The following SLC25A48 variants were observed in gnomAD, a reference collection of about 807,000 sequenced individuals.
The protein encoded by SLC25A48 is CTC-321K16.1.
In SLC25A48, 29 loss-of-function variants were observed where a neutral mutation model predicts 32.2. The observed-to-expected ratio is 0.90, with a 90% CI of 0.67 to 1.23. SLC25A48 has a LOEUF of 1.23. Ranked by LOEUF, SLC25A48 falls within the 50% of genes most tolerant of loss-of-function variation. The pLI is 0.00. For missense variants in SLC25A48, 399 were observed against 422.7 expected (o/e 0.94, Z 0.49); for synonymous variants, 164 against 172.3 (o/e 0.95, Z 0.38).
At chr5:135,587,468 A>G (rs2126873498) in intron 1 of SLC25A48, among the ~76,000 whole-genome samples, 1 of 152,226 alleles carries the variant, frequency 6.6e-6, no homozygotes, top group Non-Finnish European at 1.5e-5. Context: ...TGGTGTTTTT[A>G]TTTTTACCAA....
chr5:135,772,903 G>A (rs927508011), intron 3 of SLC25A48, among the ~76,000 whole-genome samples: 10 of 151,196 alleles, frequency 6.6e-5, no homozygotes, highest in African/African-American at 2.4e-4. Flanking sequence ...TTGTGATATT[G>A]TTTGTAATAT....
At position 135,629,208 on chromosome 5, in the gene SLC25A48, CCTTTTTCTTTTTT is replaced by C. The variant is rs1409990058; in HGVS notation, c.-848-15_-848-3del. 1.3e-5 allele frequency: 2 copies of C among 152,156 alleles called. No homozygotes were observed. Among genetic ancestry groups the C allele is most frequent in the Middle Eastern group, 3.2e-3 (1 of 316 alleles). 9.4% of individuals were successfully genotyped at this position (152,156 alleles called of 1,614,324 possible). ...AGTGCCAGAATCTCCACCGTTATAG[CCTTTTTCTTTTTT>C]CTTTTTCTTTTTTAGCAGCCCAGCT... On this transcript the variant is annotated splice_polypyrimidine_tract_variant and intron_variant, in intron 1 of 10. Coordinates refer to the SLC25A48 transcript ENST00000646290. This position sits in a 1 kb window ranked among gnomAD's most constrained non-coding sequence, Gnocchi z 4.8.
At chr5:135,627,978 C>T (rs1752476472) in intron 1 of SLC25A48, among the ~76,000 whole-genome samples, 2 of 152,192 alleles carry the variant, frequency 1.3e-5, no homozygotes, top group Non-Finnish European at 2.9e-5. Flanking sequence ...ACCCCCTGCA[C>T]ACTGAGAATG....
intron 6 of SLC25A48, chr5:135,874,600 C>A: frequency 1.5e-6 from 1 of 663,200 alleles, no homozygotes; most frequent in Non-Finnish European, 2.7e-6. Context: ...GCTCCAGGCC[C>A]TGTGAACTGC....
intron 3 of SLC25A48, among the ~76,000 whole-genome samples, chr5:135,657,796 C>T (rs575108934): frequency 2.6e-5 from 4 of 152,284 alleles, no homozygotes; most frequent in African/African-American, 9.6e-5. Context: ...TGCATTAGCC[C>T]GATGAACTGA....
chr5:135,774,270 G>A (rs1036026611), intron 3 of SLC25A48, among the ~76,000 whole-genome samples: 5 of 151,288 alleles, frequency 3.3e-5, no homozygotes, highest in African/African-American at 4.9e-5. Flanking sequence ...TCCTAATAAC[G>A]CCAGAGGTGT....
intron 4 of SLC25A48, among the ~76,000 whole-genome samples, chr5:135,829,360 A>G (rs1461985382): frequency 6.6e-6 from 1 of 152,180 alleles, no homozygotes; most frequent in Non-Finnish European, 1.5e-5. Flanking sequence ...CCTGGCCTTC[A>G]GTCAGGCGGA....
intron 3 of SLC25A48, among the ~76,000 whole-genome samples, chr5:135,731,962 A>G (rs987890399): frequency 1.3e-5 from 2 of 152,272 alleles, no homozygotes; most frequent in South Asian, 2.1e-4. Context: ...AGAAGATAGT[A>G]GAGATGACAA....
At chr5:135,789,687 A>G (rs1389887268) in intron 3 of SLC25A48, among the ~76,000 whole-genome samples, 1 of 151,672 alleles carries the variant, frequency 6.6e-6, no homozygotes, top group Admixed American at 6.6e-5. Context: ...ATTACTCCCC[A>G]TGTGGCAGGG....
At chr5:135,580,717 A>G (rs1554113657) in intron 1 of SLC25A48, among the ~76,000 whole-genome samples, 4 of 152,272 alleles carry the variant, frequency 2.6e-5, no homozygotes, top group Non-Finnish European at 1.5e-5. Flanking sequence ...ACGTTTGCCC[A>G]GAAAAATCAG....
chr5:135,651,945 C>T (rs1050030539), intron 3 of SLC25A48, among the ~76,000 whole-genome samples: 8 of 152,166 alleles, frequency 5.3e-5, no homozygotes, highest in South Asian at 2.1e-4. Flanking sequence ...TGGGCACAAA[C>T]GGTGAAGATA....
chr5:135,828,530 C>T (rs551153979), intron 4 of SLC25A48, among the ~76,000 whole-genome samples: 1 of 152,322 alleles, frequency 6.6e-6, no homozygotes, highest in African/African-American at 2.4e-5. Flanking sequence ...GGATCATAGC[C>T]CTTCTGAGGA....
chr5:135,866,627 G>T lies in SLC25A48; in HGVS notation c.422-4834G>T, dbSNP rs1471641081. Among the ~76,000 whole-genome samples the T allele has an allele frequency of 5.9e-5, 9 of 152,170 alleles. No individual in the cohort carries two copies. In the South Asian group the frequency reaches 1.9e-3, roughly 32 times the overall value. The stretch of plus-strand genomic sequence containing the variant: ...CCCCAAAATAAAACTCCCTGAAGAG[G>T]CATCTACCTCTAAGGGACCTCCCAG... On this transcript the variant is annotated intron_variant, in intron 4 of 7. Coordinates refer to ENST00000681962, the MANE Select transcript of SLC25A48 (RefSeq NM_001349336.2).
Position 135,852,151 on chromosome 5 carries a change from C to T in SLC25A48, c.163-412C>T, listed in dbSNP as rs369868898. On this transcript the variant is annotated intron_variant, in intron 3 of 7. Transcript: ENST00000681962. ...TATGGTTGCTCCCCAGGGCCTGGCCCCTGGCCAGTGCCTGGAGAATGTTTC... is the reference window on the plus strand; with the variant it reads ...TATGGTTGCTCCCCAGGGCCTGGCCTCTGGCCAGTGCCTGGAGAATGTTTC... Among the ~76,000 whole-genome samples, 31 of 152,278 alleles carry T rather than the reference C, an allele frequency of 2.0e-4. 1 individual carries two copies. Among genetic ancestry groups the T allele is most frequent in the African/African-American group, 7.5e-4 (31 of 41,554 alleles).
chr5:135,671,932 T>G (rs533871986), intron 3 of SLC25A48, among the ~76,000 whole-genome samples: 14 of 141,916 alleles, frequency 9.9e-5, no homozygotes, highest in African/African-American at 3.7e-4. Context: ...GACCAAAGTA[T>G]CCGGCATTTA....
chr5:135,859,078 A>T (rs752591101), intron 4 of SLC25A48, among the ~76,000 whole-genome samples: 3 of 152,188 alleles, frequency 2.0e-5, no homozygotes, highest in Non-Finnish European at 4.4e-5. Context: ...TCTAGGCTAG[A>T]GATAGAAAAC....
At chr5:135,639,415 C>CAG (rs1390327639) in intron 3 of SLC25A48, among the ~76,000 whole-genome samples, 1 of 152,120 alleles carries the variant, frequency 6.6e-6, no homozygotes, top group Admixed American at 6.6e-5. Flanking sequence ...AGGCAGAAAT[C>CAG]AGAGTTTGGG....
chr5:135,591,176 A>C (rs532650846), intron 1 of SLC25A48, among the ~76,000 whole-genome samples: 19 of 152,198 alleles, frequency 1.2e-4, no homozygotes, highest in Non-Finnish European at 2.9e-5. Flanking sequence ...TGATGATGCA[A>C]ATGCAAAGCA....
At chr5:135,735,023 G>C (rs947330514) in intron 3 of SLC25A48, among the ~76,000 whole-genome samples, 4 of 152,160 alleles carry the variant, frequency 2.6e-5, no homozygotes, top group African/African-American at 9.7e-5. Flanking sequence ...GTGGCTGCCA[G>C]GCGAGTTAGA....
Sources: allele counts gnomAD v4.1 joint callset (sites outside exome capture counted in the v4.1 genomes callset), GRCh38; gene constraint gnomAD v4.1.1; non-coding constraint Gnocchi (gnomAD v3.1); transcripts MANE v1.5; gene names NCBI Gene and HGNC (gene_info 2026-07-23, HGNC 2026-07-21).